Variants in RAD17 observed in about 807,000 individuals in gnomAD.
RAD17 encodes RAD17 checkpoint clamp loader component.
RAD17 carries 31 observed loss-of-function variants against 81.5 expected under a neutral mutation model. The observed-to-expected ratio is 0.38, with a 90% confidence interval of 0.29 to 0.51. The LOEUF (loss-of-function observed/expected upper bound fraction) is 0.51. Ranked by LOEUF, RAD17 falls within the 20% of genes least tolerant of loss-of-function variation. RAD17 has a pLI of 0.88. For missense variants in RAD17, 681 were observed against 781.2 expected (o/e 0.87, Z 1.53); for synonymous variants, 261 against 266.2 (o/e 0.98, Z 0.19).
intron 18 of RAD17, among the ~76,000 whole-genome samples, chr5:69,410,965 C>CCATA (rs1554044687): frequency 0.031 from 2,839 of 90,232 alleles, 152 homozygotes; most frequent in Non-Finnish European, 0.036. Context: ...AGATGTCTGT[C>CCATA]TATATATATA....
chr5:69,412,248 G>A (rs1331690930), intron 18 of RAD17, among the ~76,000 whole-genome samples: 5 of 152,280 alleles, frequency 3.3e-5, no homozygotes, highest in East Asian at 1.9e-4. Context: ...GAGCCACCAC[G>A]CCTGGCCACG....
At chr5:69,413,950 TTCATAATCA>T in intron 18 of RAD17, 72 bp from the exon 19 acceptor site, 1 of 1,505,776 alleles carries the variant, frequency 6.6e-7, no homozygotes, top group Admixed American at 1.9e-5. Context: ...GAAAGATGGC[TTCATAATCA>T]TCACACTCAT....
At chr5:69,376,706 C>A (rs1383955264) in intron 6 of RAD17, among the ~76,000 whole-genome samples, 2 of 152,062 alleles carry the variant, frequency 1.3e-5, no homozygotes, top group African/African-American at 4.8e-5. Context: ...TAGTTTTCAA[C>A]CTTGAGATGA....
intron 6 of RAD17, among the ~76,000 whole-genome samples, chr5:69,380,825 C>T (rs1410152128): frequency 2.7e-5 from 4 of 150,522 alleles, no homozygotes; most frequent in South Asian, 4.2e-4. Context: ...TGGAGTGCAG[C>T]GGCAATCTTG....
chr5:69,374,456 T>G (rs777053701), intron 5 of RAD17, among the ~76,000 whole-genome samples, 172 bp from the exon 6 acceptor site: 5 of 152,182 alleles, frequency 3.3e-5, no homozygotes, highest in Non-Finnish European at 7.3e-5. Context: ...AGAATATAAT[T>G]TTTCCATAAT....
At chr5:69,374,868 G>A (rs561180293) in intron 6 of RAD17, among the ~76,000 whole-genome samples, 157 bp downstream of exon 6, 1 of 152,322 alleles carries the variant, frequency 6.6e-6, no homozygotes, top group Admixed American at 6.5e-5. Context: ...ACTCATGCCT[G>A]TAATCCCAGC....
chr5:69,396,362 A>G, intron 15 of RAD17, 35 bp from the exon 16 acceptor site: 3 of 1,585,244 alleles, frequency 1.9e-6, no homozygotes, highest in Non-Finnish European at 2.6e-6. Context: ...TCTTTTATAA[A>G]TCTATTTTCT....
intron 6 of RAD17, among the ~76,000 whole-genome samples, chr5:69,377,707 G>GCATATATATA (rs1763600938): frequency 2.0e-5 from 1 of 50,698 alleles, no homozygotes; most frequent in Non-Finnish European, 4.0e-5. Flanking sequence ...ATATATATAT[G>GCATATATATA]TATTGGGAAA....
In RAD17 at chr5:69,372,155, A is replaced by G; in HGVS notation, c.-54A>G. ...GATATTTTCATACTCTCAAAAATATAGAGGAAAGGGGCCAAGATTATAGTA... is the reference window on the plus strand; with the variant it reads ...GATATTTTCATACTCTCAAAAATATGGAGGAAAGGGGCCAAGATTATAGTA... On this transcript the variant is annotated 5_prime_UTR_variant, in exon 4 of 19. It adds an upstream start codon to the 5' untranslated region. Coordinates refer to ENST00000354868, the MANE Select transcript of RAD17 (RefSeq NM_133338.3). The G allele has an allele frequency of 3.2e-6, 5 of 1,581,642 alleles. No individual in the cohort carries two copies. The highest frequency in any genetic ancestry group is 4.3e-6 in the Non-Finnish European group (5 of 1,161,548).
chr5:69,378,517 C>CTGG (rs1354946253), intron 6 of RAD17, among the ~76,000 whole-genome samples: 2 of 152,132 alleles, frequency 1.3e-5, no homozygotes. Flanking sequence ...AGTGATCTGT[C>CTGG]TGGTATTGTA....
At chr5:69,377,466 T>C (rs1325525158) in intron 6 of RAD17, among the ~76,000 whole-genome samples, 6 of 4,954 alleles carry the variant, frequency 1.2e-3, no homozygotes, top group African/African-American at 1.5e-3. Flanking sequence ...TATATATATA[T>C]ATATATATAC....
intron 15 of RAD17, among the ~76,000 whole-genome samples, chr5:69,395,110 C>T (rs541205473): frequency 2.0e-5 from 3 of 152,216 alleles, no homozygotes; most frequent in African/African-American, 7.2e-5. Context: ...CACAGAAAAA[C>T]CATTTATGTT....
intron 3 of RAD17, 100 bp downstream of exon 3, chr5:69,371,657 G>T: frequency 1.8e-6 from 1 of 562,488 alleles, no homozygotes. Context: ...AAGTAATAGA[G>T]CCGAGTATCT....
chr5:69,407,053 A>C (rs189795614), intron 17 of RAD17, among the ~76,000 whole-genome samples: 57 of 133,912 alleles, frequency 4.3e-4, no homozygotes, highest in Admixed American at 1.3e-3. Flanking sequence ...CCCAGGCTGC[A>C]GTGCAGTGGC....
chr5:69,372,703 C>T (rs1311622730), intron 4 of RAD17, among the ~76,000 whole-genome samples: 1 of 152,006 alleles, frequency 6.6e-6, no homozygotes, highest in African/African-American at 2.4e-5. Flanking sequence ...CCTTGACCTC[C>T]CGCGCTCAAG....
chr5:69,410,970 T>TATATAC (rs940473894), intron 18 of RAD17, among the ~76,000 whole-genome samples: 16 of 120,866 alleles, frequency 1.3e-4, no homozygotes, highest in African/African-American at 3.9e-4. Context: ...TCTGTCTATA[T>TATATAC]ATATATATAT....
At chr5:69,410,650 A>G in intron 18 of RAD17, 100 bp downstream of exon 18, 3 of 1,066,578 alleles carry the variant, frequency 2.8e-6, no homozygotes, top group Non-Finnish European at 2.8e-6. Context: ...TCCAAGAAAG[A>G]CATACTGTAC....
chr5:69,398,181 T>C (rs1377900644), intron 16 of RAD17, among the ~76,000 whole-genome samples: 2 of 152,042 alleles, frequency 1.3e-5, no homozygotes, highest in African/African-American at 4.8e-5. Flanking sequence ...ACAAAAAATA[T>C]ATGTATGTAA....
chr5:69,408,752 C>G (rs1765789980), intron 17 of RAD17, among the ~76,000 whole-genome samples: 1 of 152,104 alleles, frequency 6.6e-6, no homozygotes, highest in Non-Finnish European at 1.5e-5. Context: ...CTCAAGTGAT[C>G]CACCCACCTT....
Sources: gnomAD v4.1 joint callset for allele counts (sites outside exome capture counted in the v4.1 genomes callset) on GRCh38, gnomAD v4.1.1 for gene constraint, MANE v1.5 for transcripts, NCBI Gene and HGNC (gene_info 2026-07-23, HGNC 2026-07-21) for gene names.